The following CAMTA1 variants were observed in gnomAD, a reference collection of about 807,000 sequenced individuals.
CAMTA1 encodes the protein calmodulin-binding transcription activator 1.
Under a neutral mutation model 170.9 loss-of-function variants are expected in CAMTA1, and 27 were observed. That is an observed-to-expected ratio of 0.16 (90% CI 0.12 to 0.22). CAMTA1 has a LOEUF of 0.22. Ranked by LOEUF, CAMTA1 falls within the 10% of genes least tolerant of loss-of-function variation. The probability of loss-of-function intolerance (pLI) is 1.00; values close to 1 mark genes in which losing one functional copy is unlikely to be tolerated. For synonymous variants in CAMTA1, 833 were observed against 891.5 expected (o/e 0.93, Z 1.17); for missense variants, 1,619 against 2,217.2 (o/e 0.73, Z 5.42).
chr1:7,351,276 T>C (rs1050242146), intron 5 of CAMTA1, among the ~76,000 whole-genome samples: 1 of 152,232 alleles, frequency 6.6e-6, no homozygotes, highest in Non-Finnish European at 1.5e-5. Flanking sequence ...TAGTGAATTG[T>C]TCTGCCTTCT....
intron 6 of CAMTA1, among the ~76,000 whole-genome samples, chr1:7,508,794 C>T (rs980407921): frequency 6.6e-6 from 1 of 152,136 alleles, no homozygotes; most frequent in African/African-American, 2.4e-5. Flanking sequence ...GCCTCCCAGC[C>T]CTGGCCCTGG....
chr1:7,520,906 A>G (rs113922396), intron 6 of CAMTA1, among the ~76,000 whole-genome samples: 2 of 103,138 alleles, frequency 1.9e-5, no homozygotes, highest in Non-Finnish European at 3.7e-5. Context: ...CTCCAGACAG[A>G]CAGTCACACA....
At position 7,031,214 on chromosome 1, in the gene CAMTA1, T is replaced by C. The variant is rs144828849; in HGVS notation, c.235-60090T>C. On this transcript the variant is annotated intron_variant, in intron 3 of 22. Transcript: ENST00000303635. ...TTGTAGATTTGTCTATTTCTTCTTG[T>C]ATTTCTATCAGTTTTTGCTTCATAT... 1.1e-4 allele frequency among the ~76,000 whole-genome samples: 16 copies of C among 152,222 alleles called. No individual in the cohort carries two copies. In the East Asian group the frequency reaches 3.1e-3, roughly 29 times the overall value.
chr1:7,223,521 A>G (rs754227695), intron 4 of CAMTA1, among the ~76,000 whole-genome samples: 5 of 152,094 alleles, frequency 3.3e-5, no homozygotes, highest in African/African-American at 9.7e-5. Flanking sequence ...TACCTCCTTG[A>G]GCAGATATAA....
At chr1:7,471,900 C>T (rs958197608) in intron 6 of CAMTA1, among the ~76,000 whole-genome samples, 3 of 152,352 alleles carry the variant, frequency 2.0e-5, no homozygotes, top group East Asian at 1.9e-4. Flanking sequence ...CGCCTGCCCC[C>T]GCAGGGGACC....
At chr1:6,814,928 C>A (rs1419648618) in intron 1 of CAMTA1, among the ~76,000 whole-genome samples, 1 of 152,012 alleles carries the variant, frequency 6.6e-6, no homozygotes, top group Non-Finnish European at 1.5e-5. Context: ...TATATATTAT[C>A]CATATACAAT....
At chr1:7,053,891 A>G (rs531114076) in intron 3 of CAMTA1, among the ~76,000 whole-genome samples, 1 of 152,308 alleles carries the variant, frequency 6.6e-6, no homozygotes, top group African/African-American at 2.4e-5. Flanking sequence ...TCCTGGTGGG[A>G]GACAGCCCTT....
At chr1:7,611,857 G>C (rs1266341757) in intron 6 of CAMTA1, among the ~76,000 whole-genome samples, 1 of 152,216 alleles carries the variant, frequency 6.6e-6, no homozygotes, top group African/African-American at 2.4e-5. Context: ...CTTGACCTGA[G>C]AGGTGCTGAC....
intron 6 of CAMTA1, among the ~76,000 whole-genome samples, chr1:7,541,970 GC>G (rs2094617579): frequency 1.3e-5 from 2 of 152,188 alleles, no homozygotes; most frequent in Non-Finnish European, 2.9e-5. Flanking sequence ...CCAGAACCAA[GC>G]GTTACACCCC....
chr1:7,505,769 C>G (rs1420464736), intron 6 of CAMTA1, among the ~76,000 whole-genome samples: 1 of 152,236 alleles, frequency 6.6e-6, no homozygotes, highest in Non-Finnish European at 1.5e-5. Context: ...GCAGGGTCCA[C>G]TGTACCTGGT....
intron 3 of CAMTA1, among the ~76,000 whole-genome samples, chr1:7,018,483 T>C (rs1174414269): frequency 1.3e-5 from 2 of 152,108 alleles, no homozygotes; most frequent in African/African-American, 4.8e-5. Flanking sequence ...TGTAGGACTC[T>C]TTTTCCCCAT....
intron 6 of CAMTA1, among the ~76,000 whole-genome samples, chr1:7,544,123 G>A (rs534089254): frequency 1.3e-5 from 2 of 152,274 alleles, no homozygotes; most frequent in African/African-American, 4.8e-5. Flanking sequence ...AGAAAAAGAG[G>A]CTTAATTGGA....
intron 11 of CAMTA1, among the ~76,000 whole-genome samples, chr1:7,684,710 T>C (rs1316070546): frequency 6.6e-6 from 1 of 152,214 alleles, no homozygotes; most frequent in African/African-American, 2.4e-5. Flanking sequence ...ACATTTGTAA[T>C]TTACTAATTA....
In CAMTA1 at chr1:7,462,600, A is replaced by AT. The variant is rs924133972; in HGVS notation, c.439-5222dup. Among the ~76,000 whole-genome samples the AT allele has an allele frequency of 5.9e-5, 9 of 152,070 alleles. No individual in the cohort carries two copies. In the Middle Eastern group the frequency reaches 0.014, roughly 230 times the overall value. On this transcript the variant is annotated intron_variant, in intron 5 of 22. Transcript: ENST00000303635. Reference sequence around the variant, plus strand: ...GCTGTGAGGTAAGAATAGCTTTTACATTTTTTTTAATTGTTGAAAAATAGC... The same window carrying AT: ...GCTGTGAGGTAAGAATAGCTTTTACATTTTTTTTTAATTGTTGAAAAATAGC...
rs560470267 is a variant in CAMTA1 at position 6,957,186 on chromosome 1, T to C, written c.234+131976T>C. On this transcript the variant is annotated intron_variant, in intron 3 of 22. Transcript: ENST00000303635. ...CAGATCTAAGGGGGAAGGATGCAAC[T>C]GATGAGGTGTTACAGGATGCTCTTA... is the stretch of plus-strand genomic sequence containing the variant. 2.2e-3 allele frequency among the ~76,000 whole-genome samples: 334 copies of C among 152,274 alleles called. 1 individual carries two copies. The highest frequency in any genetic ancestry group is 7.8e-3 in the African/African-American group (326 of 41,558).
chr1:6,887,953 G>A lies in CAMTA1; in HGVS notation c.234+62743G>A. On this transcript the variant is annotated intron_variant, in intron 3 of 22. Coordinates refer to ENST00000303635, the MANE Select transcript of CAMTA1 (RefSeq NM_015215.4). This position sits in a 1 kb window ranked among gnomAD's most constrained non-coding sequence, Gnocchi z 4.1. The stretch of plus-strand genomic sequence containing the variant: ...GCCTGACTGAGCTCTGGAGAGCAGG[G>A]CTCTGTGCACACGCCTCCTGGTCCA... The A allele has an allele frequency of 7.8e-7, 1 of 1,289,030 alleles. No homozygotes were observed. The highest frequency in any genetic ancestry group is 9.9e-7 in the Non-Finnish European group (1 of 1,009,436). 79.8% of individuals were successfully genotyped at this position (1,289,030 alleles called of 1,614,324 possible).
intron 4 of CAMTA1, among the ~76,000 whole-genome samples, chr1:7,128,084 A>G (rs773094007): frequency 8.5e-5 from 13 of 152,140 alleles, no homozygotes; most frequent in Non-Finnish European, 1.9e-4. Flanking sequence ...CTGGGTGCCG[A>G]GTCTCTGATG....
intron 5 of CAMTA1, among the ~76,000 whole-genome samples, chr1:7,276,959 T>A (rs927253580): frequency 6.6e-6 from 1 of 152,192 alleles, no homozygotes; most frequent in Non-Finnish European, 1.5e-5. Context: ...AAAAATACAG[T>A]GTAAAATAAC....
Position 7,455,908 on chromosome 1 carries a change from C to T in CAMTA1, c.439-11922C>T, listed in dbSNP as rs1330394301. ...CAGATGAGTAGAGAGAAAGGCCGGC[C>T]ACCTGGGGCTGTGTAGCCGAAGCTC... is the stretch of plus-strand genomic sequence containing the variant. On this transcript the variant is annotated intron_variant, in intron 5 of 22. Coordinates refer to ENST00000303635, the MANE Select transcript of CAMTA1 (RefSeq NM_015215.4). The surrounding 1 kb of genome is among the most constrained non-coding windows in gnomAD (Gnocchi z 5.0). Among the ~76,000 whole-genome samples the T allele has an allele frequency of 2.6e-5, 4 of 152,222 alleles. No individual in the cohort carries two copies. The highest frequency in any genetic ancestry group is 9.6e-5 in the African/African-American group (4 of 41,458).
Sources: gnomAD v4.1 joint callset for allele counts (sites outside exome capture counted in the v4.1 genomes callset) on GRCh38, gnomAD v4.1.1 for gene constraint, Gnocchi (gnomAD v3.1) non-coding constraint, MANE v1.5 for transcripts, NCBI Gene and HGNC (gene_info 2026-07-23, HGNC 2026-07-21) for gene names.